SIL1: variants seen among roughly 807,000 people sequenced by gnomAD.
The protein encoded by SIL1 is SIL1 nucleotide exchange factor.
A neutral mutation model predicts 49.1 loss-of-function variants in SIL1; 40 were observed. The observed-to-expected ratio is 0.81, with a 90% CI of 0.63 to 1.06. The LOEUF is 1.06. Among genes scored for constraint, SIL1 ranks in the 50% least tolerant of loss-of-function variants. SIL1 has a pLI of 0.00. For synonymous variants in SIL1, 253 were observed against 250.8 expected (o/e 1.01, Z -0.08); for missense variants, 500 against 572.6 (o/e 0.87, Z 1.29).
intron 3 of SIL1, among the ~76,000 whole-genome samples, chr5:139,082,968 C>G (rs1770121292): frequency 1.3e-5 from 2 of 152,178 alleles, no homozygotes; most frequent in African/African-American, 4.8e-5. Context: ...GAGAGCAGGC[C>G]AACTCAAAAA....
At chr5:138,995,250 CT>C (rs55923125) in intron 7 of SIL1, among the ~76,000 whole-genome samples, 183 of 145,852 alleles carry the variant, frequency 1.3e-3, no homozygotes, top group Middle Eastern at 3.5e-3. Context: ...AAATATTCAT[CT>C]TTTTTTTTTT....
intron 5 of SIL1, among the ~76,000 whole-genome samples, chr5:139,029,546 C>T (rs1768739506): frequency 6.6e-6 from 1 of 151,974 alleles, no homozygotes; most frequent in African/African-American, 2.4e-5. Context: ...CTATTGCTCA[C>T]GTTGAAGTGC....
At chr5:139,047,113 T>G (rs1769184205) in intron 4 of SIL1, among the ~76,000 whole-genome samples, 1 of 152,154 alleles carries the variant, frequency 6.6e-6, no homozygotes, top group Non-Finnish European at 1.5e-5. Context: ...TGGACCTTGG[T>G]AAATGTTCAA....
intron 7 of SIL1, among the ~76,000 whole-genome samples, chr5:138,983,197 T>TC (rs1767568168): frequency 2.8e-5 from 1 of 35,264 alleles, no homozygotes; most frequent in African/African-American, 1.2e-4. Context: ...AGACACTGTC[T>TC]CAAAAAAAAA....
At chr5:138,991,019 A>C (rs542109803) in intron 7 of SIL1, among the ~76,000 whole-genome samples, 1 of 152,192 alleles carries the variant, frequency 6.6e-6, no homozygotes, top group Non-Finnish European at 1.5e-5. Flanking sequence ...CCCCACCCCC[A>C]GCCGGCTTTT....
intron 3 of SIL1, among the ~76,000 whole-genome samples, chr5:139,077,344 C>CA (rs1769975008): frequency 6.6e-6 from 1 of 152,142 alleles, no homozygotes; most frequent in Non-Finnish European, 1.5e-5. Context: ...TTCCAAACTA[C>CA]AAAAAGAATA....
chr5:139,054,077 T>TA (rs1769351342), intron 3 of SIL1, among the ~76,000 whole-genome samples: 2 of 152,130 alleles, frequency 1.3e-5, no homozygotes, highest in Non-Finnish European at 2.9e-5. Flanking sequence ...GCCCAGGAGT[T>TA]AGAGACCAGC....
rs890197634 is a variant in SIL1, at chr5:139,055,805, C to T, written c.245-4759G>A. Among the ~76,000 whole-genome samples the T allele has an allele frequency of 1.0e-4, 15 of 147,810 alleles. No individual in the cohort carries two copies. The East Asian group carries it at 2.5e-3, about 25-fold the overall frequency. On this transcript the variant is annotated intron_variant, in intron 3 of 9. Coordinates refer to ENST00000394817, the MANE Select transcript of SIL1 (RefSeq NM_022464.5). ...CCTGCCTCAGCCTGCCGAGTGCCTG[C>T]GATTGCAGGCACGCGCCGCCACGCC...
chr5:139,153,836 C>T (rs1751354813), intron 1 of SIL1, among the ~76,000 whole-genome samples: 2 of 152,144 alleles, frequency 1.3e-5, no homozygotes, highest in Admixed American at 1.3e-4. Context: ...GTTGTTAAAC[C>T]ATTTTTCCCA....
intron 7 of SIL1, among the ~76,000 whole-genome samples, chr5:139,009,411 T>A (rs1307093374): frequency 1.4e-5 from 2 of 147,776 alleles, no homozygotes; most frequent in Non-Finnish European, 3.0e-5. Flanking sequence ...CTTGACTCTT[T>A]ATCCAATTTG....
At position 139,143,338 on chromosome 5, in the gene SIL1, CACACACAT is replaced by C. The variant is rs1224879429; in HGVS notation, c.-10-15493_-10-15486del. Among the ~76,000 whole-genome samples the C allele has an allele frequency of 5.6e-3, 470 of 84,188 alleles. 5 individuals are homozygous for C. Among genetic ancestry groups the C allele is most frequent in the African/African-American group, 0.023 (355 of 15,196 alleles). The allele number at this position is 84,188 out of a possible 152,430, so 55.2% of individuals were successfully genotyped here. Reference sequence around the variant, plus strand: ...ACACACACACACACACACACACACACACACACATATATATATATATATATATATGGTTT... The same window carrying C: ...ACACACACACACACACACACACACACATATATATATATATATATATGGTTT... On this transcript the variant is annotated intron_variant, in intron 1 of 9. Transcript: ENST00000394817.
chr5:139,191,209 G>A (rs1485103265), intron 1 of SIL1, among the ~76,000 whole-genome samples: 1 of 125,032 alleles, frequency 8.0e-6, no homozygotes, highest in African/African-American at 3.1e-5. Flanking sequence ...GGGTGACAGT[G>A]AGACTCTGTC....
At chr5:139,062,939 C>T (rs952975002) in intron 3 of SIL1, among the ~76,000 whole-genome samples, 2 of 152,178 alleles carry the variant, frequency 1.3e-5, no homozygotes, top group Admixed American at 6.5e-5. Context: ...AAGACCAATG[C>T]CTGCCATTGA....
At chr5:139,156,527 G>C (rs1161906108) in intron 1 of SIL1, among the ~76,000 whole-genome samples, 1 of 152,134 alleles carries the variant, frequency 6.6e-6, no homozygotes, top group Non-Finnish European at 1.5e-5. Context: ...AAAAAAAAAG[G>C]ATCTTTGCAG....
intron 3 of SIL1, among the ~76,000 whole-genome samples, chr5:139,055,112 G>A (rs1044210316): frequency 2.0e-5 from 3 of 152,114 alleles, no homozygotes; most frequent in Admixed American, 6.5e-5. Flanking sequence ...CTGGATCCAG[G>A]AAGGCAAACA....
chr5:139,112,843 T>C (rs980225737), intron 3 of SIL1, among the ~76,000 whole-genome samples: 5 of 152,142 alleles, frequency 3.3e-5, no homozygotes, highest in African/African-American at 9.7e-5. Context: ...AATGGCAGTT[T>C]TGTGGAACAG....
intron 1 of SIL1, among the ~76,000 whole-genome samples, chr5:139,195,041 T>G (rs1040924913): frequency 6.6e-6 from 1 of 151,676 alleles, no homozygotes; most frequent in African/African-American, 2.4e-5. Flanking sequence ...CAAGTGATTC[T>G]CCTGCCTCAG....
At chr5:139,080,417 C>T (rs1770047448) in intron 3 of SIL1, among the ~76,000 whole-genome samples, 1 of 152,192 alleles carries the variant, frequency 6.6e-6, no homozygotes, top group Admixed American at 6.5e-5. Flanking sequence ...AAAAACCAAC[C>T]TGACAGAGCA....
intron 3 of SIL1, among the ~76,000 whole-genome samples, chr5:139,118,979 A>T (rs1362091702): frequency 6.6e-6 from 1 of 152,112 alleles, no homozygotes; most frequent in African/African-American, 2.4e-5. Context: ...GGCAGGCATG[A>T]CCGGAACCAG....
Sources: allele counts gnomAD v4.1 joint callset (sites outside exome capture counted in the v4.1 genomes callset), GRCh38; gene constraint gnomAD v4.1.1; transcripts MANE v1.5; gene names NCBI Gene and HGNC (gene_info 2026-07-23, HGNC 2026-07-21).